Variants in ATIC observed in about 807,000 individuals in gnomAD.
ATIC encodes bifunctional purine biosynthesis protein ATIC.
ATIC carries 64 observed loss-of-function variants against 72.5 expected under a neutral mutation model. That is an observed-to-expected ratio of 0.88 (90% CI 0.72 to 1.09). The LOEUF is 1.09. Ranked by LOEUF, ATIC falls within the 50% of genes least tolerant of loss-of-function variation. The pLI is 0.00. For missense variants in ATIC, 787 were observed against 732.4 expected, an observed-to-expected ratio of 1.07 and a Z score of -0.86; for synonymous variants, 281 against 267.1, an observed-to-expected ratio of 1.05 and a Z score of -0.51.
At chr2:215,353,890 T>C (rs1451241100), downstream of ATIC, among the ~76,000 whole-genome samples, 1 of 152,072 alleles carries the variant, frequency 6.6e-6, no homozygotes, top group Non-Finnish European at 1.5e-5. Context: ...CATGCTTGTA[T>C]ATTTGAATTC....
At chr2:215,367,576 C>A in the ATIC span, 308,546 of 426,504 alleles carry the variant, frequency 0.72, 113,532 homozygotes, top group East Asian at 1. Context: ...AGTCTTTATC[C>A]ATTTGTTTTC....
At chr2:215,333,315 T>C (rs755476983) in intron 8 of ATIC, 35 bp from the exon 9 acceptor site, 1 of 1,586,718 alleles carries the variant, frequency 6.3e-7, no homozygotes, top group East Asian at 2.2e-5. Flanking sequence ...TAACTTTAGC[T>C]TTCTTTGTTT....
chr2:215,341,225 A>T (rs575118120), intron 12 of ATIC, among the ~76,000 whole-genome samples: 2 of 152,372 alleles, frequency 1.3e-5, no homozygotes, highest in African/African-American at 4.8e-5. Flanking sequence ...TAGGCATTAT[A>T]CATAGAAATA....
chr2:215,340,253 A>C (rs1418918004), intron 12 of ATIC, among the ~76,000 whole-genome samples: 1 of 152,182 alleles, frequency 6.6e-6, no homozygotes, highest in Non-Finnish European at 1.5e-5. Context: ...AGGTCACTCT[A>C]TGGGGGTGAC....
the ATIC span, chr2:215,362,350 G>T: frequency 2.2e-6 from 1 of 456,346 alleles, no homozygotes. Flanking sequence ...TTGCCCATCT[G>T]CTGAGGCTCA....
intron 7 of ATIC, 68 bp downstream of exon 7, chr2:215,327,046 C>T: frequency 6.2e-7 from 1 of 1,602,406 alleles, no homozygotes; most frequent in Non-Finnish European, 8.6e-7. Flanking sequence ...TGTATTGCAT[C>T]TGATGTGGTT....
intron 11 of ATIC, among the ~76,000 whole-genome samples, chr2:215,337,157 G>T: frequency 6.7e-6 from 1 of 150,182 alleles, no homozygotes. Context: ...CTAAGATTAT[G>T]CATTGATAAA....
At chr2:215,345,876 T>C (rs1433421558) in intron 13 of ATIC, among the ~76,000 whole-genome samples, 1 of 152,192 alleles carries the variant, frequency 6.6e-6, no homozygotes, top group Non-Finnish European at 1.5e-5. Context: ...CAGAAAGAGA[T>C]GGACTGTTGG....
chr2:215,347,082 ACTT>A, intron 14 of ATIC, 141 bp downstream of exon 14: 1 of 1,097,178 alleles, frequency 9.1e-7, no homozygotes, highest in Non-Finnish European at 1.3e-6. Flanking sequence ...GATCATTGAA[ACTT>A]CTTACACATT....
intron 2 of ATIC, among the ~76,000 whole-genome samples, chr2:215,316,454 A>G (rs1041343962): frequency 1.3e-5 from 2 of 152,308 alleles, no homozygotes; most frequent in Non-Finnish European, 2.9e-5. Flanking sequence ...TGTTTATTAT[A>G]GTCTCAGCTA....
chr2:215,333,381 T>A lies in ATIC; in HGVS notation c.846T>A (p.Asp282Glu), dbSNP rs1278175565. ...CTGTTGGAATTCCACTCAGTGAAGA[T>A]GAGGCCAAAGTCTGCATGGTTTATG... ...GAAVGIPLSE[D>E]EAKVCMVYDL... is the part of the protein sequence containing the mutation. The change falls in exon 9 of 16, where the codon GAT (aspartate) becomes GAA (glutamate). Residue 282 changes from aspartate (D) to glutamate (E), a missense_variant. By Grantham distance (45) the Asp-to-Glu change is conservative (BLOSUM62 2). Transcript: ENST00000236959. 2 of 1,614,168 alleles carry A rather than the reference T, an allele frequency of 1.2e-6. No homozygotes were observed. Among genetic ancestry groups the A allele is most frequent in the Non-Finnish European group, 1.7e-6 (2 of 1,180,032 alleles).
Position 215,333,334 on chromosome 2 carries a change from A to T in ATIC, c.815-16A>T. ...TTTAGCTTTCTTTGTTTATGATTTTACTATTTTCTAACCAGGTGCTGCTGT... is the reference window on the plus strand; with the variant it reads ...TTTAGCTTTCTTTGTTTATGATTTTTCTATTTTCTAACCAGGTGCTGCTGT... On this transcript the variant is annotated splice_polypyrimidine_tract_variant and intron_variant, in intron 8 of 15. Transcript: ENST00000236959. 6.2e-7 allele frequency: 1 copy of T among 1,608,454 alleles called. No individual in the cohort carries two copies. Among genetic ancestry groups the T allele is most frequent in the South Asian group, 1.1e-5 (1 of 90,954 alleles).
At chr2:215,364,832 C>T in the ATIC span, 2 of 1,310,192 alleles carry the variant, frequency 1.5e-6, no homozygotes, top group Non-Finnish European at 1.1e-6. Flanking sequence ...AGGAGCCCAC[C>T]CTTTATCTTA....
chr2:215,349,182 T>A lies in ATIC; in HGVS notation c.1592T>A (p.Leu531Gln), dbSNP rs767188600. The change falls in exon 15 of 16, where the codon CTG becomes CAG. Residue 531 changes from leucine (L) to glutamine (Q), a missense_variant. Physicochemically the swap from Leu to Gln is moderately radical, Grantham distance 113 (BLOSUM62 -2). Coordinates refer to ENST00000236959, the MANE Select transcript of ATIC (RefSeq NM_004044.7). Reference protein sequence around the residue: ...EAEKKEWVEKLTEVSISSDAF... With the variant: ...EAEKKEWVEKQTEVSISSDAF... Reference sequence around the variant, plus strand: ...GAGAAGAAGGAATGGGTTGAGAAACTGACTGAAGTTTCTATCAGCTCTGAT... The same window carrying A: ...GAGAAGAAGGAATGGGTTGAGAAACAGACTGAAGTTTCTATCAGCTCTGAT... 3.1e-6 allele frequency: 5 copies of A among 1,614,176 alleles called. No individual in the cohort carries two copies. Among genetic ancestry groups the A allele is most frequent in the Non-Finnish European group, 4.2e-6 (5 of 1,180,022 alleles).
At chr2:215,350,433 C>T (rs2106050464), downstream of ATIC, among the ~76,000 whole-genome samples, 1 of 152,078 alleles carries the variant, frequency 6.6e-6, no homozygotes, top group South Asian at 2.1e-4. Flanking sequence ...GTGCCCGGCC[C>T]TCATGCCATT....
intron 6 of ATIC, 43 bp from the exon 7 acceptor site, chr2:215,326,779 G>A: frequency 6.2e-7 from 1 of 1,612,272 alleles, no homozygotes; most frequent in Non-Finnish European, 8.5e-7. Context: ...TCCCCACTTT[G>A]GAAAGTGCTG....
Position 215,319,661 on chromosome 2 carries a change from T to C in ATIC, c.224-4T>C, listed in dbSNP as rs765255931. The C allele has an allele frequency of 1.2e-6, 2 of 1,605,678 alleles. No individual in the cohort carries two copies. Among genetic ancestry groups the C allele is most frequent in the Non-Finnish European group, 1.7e-6 (2 of 1,172,356 alleles). On this transcript the variant is annotated splice_region_variant and splice_polypyrimidine_tract_variant and intron_variant, in intron 3 of 15. Coordinates refer to ENST00000236959, the MANE Select transcript of ATIC (RefSeq NM_004044.7). ...AATGACTTTGTTTAACTTTTTTAAA[T>C]TAGGAATCCTAGCTCGTAATATTCC...
chr2:215,312,076 C>G lies in ATIC; in HGVS notation c.-67C>G. On this transcript the variant is annotated 5_prime_UTR_variant, in exon 1 of 16. Transcript: ENST00000236959. ...CCTGAGCCGCCACATCCCGGCAGCC[C>G]TCCTACCTGCGCACGTGGTGCCGCC... 2 of 1,528,982 alleles carry G rather than the reference C, an allele frequency of 1.3e-6. No individual in the cohort carries two copies. Among genetic ancestry groups the G allele is most frequent in the Non-Finnish European group, 1.7e-6 (2 of 1,143,664 alleles). 94.7% of individuals were successfully genotyped at this position (1,528,982 alleles called of 1,614,324 possible). A position where few individuals can be genotyped will look rare whatever the true frequency, so the allele number is the denominator to read the frequency against.
chr2:215,338,694 C>T (rs2052983388), intron 11 of ATIC, 85 bp from the exon 12 acceptor site: 3 of 1,417,338 alleles, frequency 2.1e-6, no homozygotes, highest in Admixed American at 4.1e-5. Context: ...ACTTTACTTA[C>T]AATGAAATCT....
Sources: allele counts gnomAD v4.1 joint callset (sites outside exome capture counted in the v4.1 genomes callset), GRCh38; gene constraint gnomAD v4.1.1; transcripts MANE v1.5; gene names NCBI Gene and HGNC (gene_info 2026-07-23, HGNC 2026-07-21).